The following GULP1 variants were observed in gnomAD, a reference collection of about 807,000 sequenced individuals.
The protein encoded by GULP1 is PTB domain-containing engulfment adapter protein 1.
Under a neutral mutation model 40.9 loss-of-function variants are expected in GULP1, and 19 were observed. That is an observed-to-expected ratio of 0.46 (90% CI 0.32 to 0.68). GULP1 has a LOEUF of 0.68. GULP1 is among the 30% of genes least tolerant of loss of function. The probability of loss-of-function intolerance (pLI) is 0.03; values close to 1 mark genes in which losing one functional copy is unlikely to be tolerated. For missense variants in GULP1, 312 were observed against 362.2 expected (o/e 0.86, Z 1.12); for synonymous variants, 119 against 117.6 (o/e 1.01, Z -0.08).
At chr2:188,308,202 G>A (rs1454287597) in intron 1 of GULP1, among the ~76,000 whole-genome samples, 1 of 151,954 alleles carries the variant, frequency 6.6e-6, no homozygotes, top group South Asian at 2.1e-4. Context: ...GTCTGTGACT[G>A]TCTTCCTGAC....
rs185042997 is a variant in GULP1, at chr2:188,400,456, C to G, written c.-45+16567C>G. Among the ~76,000 whole-genome samples, 580 of 152,090 alleles carry G rather than the reference C, an allele frequency of 3.8e-3. 5 individuals carry two copies. The highest frequency in any genetic ancestry group is 0.013 in the African/African-American group (548 of 41,512). On this transcript the variant is annotated intron_variant, in intron 2 of 11. Coordinates refer to ENST00000409830, the MANE Select transcript of GULP1 (RefSeq NM_016315.4). ...GGGGTACATTGTTCTGTTGGTGTTC[C>G]TAGCAGGGTCTGGGTAAGAGGTGGA...
chr2:188,464,676 CTTG>C (rs1024883899), intron 2 of GULP1, among the ~76,000 whole-genome samples: 2 of 152,146 alleles, frequency 1.3e-5, no homozygotes, highest in African/African-American at 2.4e-5. Flanking sequence ...TAGAAGTCCA[CTTG>C]TTGTTCTATT....
At chr2:188,322,230 C>A (rs2040091327) in intron 1 of GULP1, among the ~76,000 whole-genome samples, 2 of 151,962 alleles carry the variant, frequency 1.3e-5, no homozygotes, top group South Asian at 4.1e-4. Flanking sequence ...AAATTGTATA[C>A]ACAGTGTTCT....
chr2:188,485,663 A>G (rs1019138803), intron 4 of GULP1, among the ~76,000 whole-genome samples: 2 of 152,062 alleles, frequency 1.3e-5, no homozygotes, highest in Admixed American at 6.6e-5. Flanking sequence ...CATGACTCCA[A>G]CACTTATTTA....
chr2:188,535,376 T>C (rs1688669222), intron 6 of GULP1, among the ~76,000 whole-genome samples: 1 of 151,966 alleles, frequency 6.6e-6, no homozygotes, highest in African/African-American at 2.4e-5. Context: ...CCAGTGTCTA[T>C]TATTGCCATC....
At chr2:188,319,887 T>C (rs1334440316) in intron 1 of GULP1, among the ~76,000 whole-genome samples, 2 of 152,156 alleles carry the variant, frequency 1.3e-5, no homozygotes, top group Non-Finnish European at 2.9e-5. Context: ...GAGCTTAATA[T>C]CTTGGAGTAT....
chr2:188,500,886 G>T (rs188674431), intron 4 of GULP1, among the ~76,000 whole-genome samples: 1 of 151,984 alleles, frequency 6.6e-6, no homozygotes, highest in East Asian at 1.9e-4. Flanking sequence ...GTTAGAGATT[G>T]ATCATTAGTC....
intron 1 of GULP1, among the ~76,000 whole-genome samples, chr2:188,339,262 A>G (rs1436660169): frequency 6.6e-6 from 1 of 152,224 alleles, no homozygotes; most frequent in Non-Finnish European, 1.5e-5. Flanking sequence ...AGATGTTATC[A>G]TTAGACTTAT....
intron 7 of GULP1, among the ~76,000 whole-genome samples, chr2:188,562,961 G>A (rs1696703233): frequency 6.6e-6 from 1 of 151,796 alleles, no homozygotes; most frequent in Non-Finnish European, 1.5e-5. Flanking sequence ...AGTTACAGGG[G>A]AATTAAATTA....
rs115455809 is a variant in GULP1, at chr2:188,361,059, G to A, written c.-171-22704G>A. ...ATGTCACTGCATTGCGTAATATTGC[G>A]CAGATGACAAAGATAGCTTGACCAT... is the stretch of plus-strand genomic sequence containing the variant. On this transcript the variant is annotated intron_variant, in intron 1 of 11. Coordinates refer to ENST00000409830, the MANE Select transcript of GULP1 (RefSeq NM_016315.4). Among the ~76,000 whole-genome samples the A allele has an allele frequency of 9.6e-4, 146 of 152,122 alleles. 1 individual carries two copies. Among genetic ancestry groups the A allele is most frequent in the Middle Eastern group, 3.4e-3 (1 of 294 alleles).
intron 2 of GULP1, among the ~76,000 whole-genome samples, chr2:188,412,411 T>G (rs1253151456): frequency 1.3e-5 from 2 of 152,176 alleles, no homozygotes; most frequent in Admixed American, 1.3e-4. Context: ...CAGCTAACAC[T>G]GTAACTCTCT....
At chr2:188,319,595 A>G (rs1378340501) in intron 1 of GULP1, among the ~76,000 whole-genome samples, 2 of 152,172 alleles carry the variant, frequency 1.3e-5, no homozygotes, top group South Asian at 2.1e-4. Flanking sequence ...GACTATGAGC[A>G]TATAAAATAA....
intron 1 of GULP1, among the ~76,000 whole-genome samples, chr2:188,311,488 G>A (rs2038096721): frequency 6.6e-6 from 1 of 152,096 alleles, no homozygotes; most frequent in African/African-American, 2.4e-5. Context: ...GAGCCACCAT[G>A]CATTGTGGAG....
chr2:188,344,873 TTTAG>T (rs1243686058), intron 1 of GULP1, among the ~76,000 whole-genome samples: 27 of 152,266 alleles, frequency 1.8e-4, no homozygotes, highest in African/African-American at 4.6e-4. Flanking sequence ...TATACACACA[TTTAG>T]TTAAAGATCA....
At chr2:188,352,877 G>A (rs548685318) in intron 1 of GULP1, among the ~76,000 whole-genome samples, 1 of 152,162 alleles carries the variant, frequency 6.6e-6, no homozygotes, top group East Asian at 1.9e-4. Context: ...AGGTAAAGAA[G>A]TTTGCTAATT....
intron 1 of GULP1, among the ~76,000 whole-genome samples, chr2:188,373,991 A>G (rs1048692604): frequency 1.1e-4 from 17 of 152,168 alleles, no homozygotes; most frequent in African/African-American, 3.8e-4. Flanking sequence ...GATGTAATTA[A>G]TAGAATATCA....
intron 2 of GULP1, among the ~76,000 whole-genome samples, chr2:188,468,892 G>C (rs948654552): frequency 6.6e-6 from 1 of 152,158 alleles, no homozygotes; most frequent in Non-Finnish European, 1.5e-5. Flanking sequence ...GTCTCAAAGG[G>C]TAAGCAGTGA....
Position 188,362,357 on chromosome 2 carries a change from T to TGA in GULP1, c.-171-21406_-171-21405insGA, listed in dbSNP as rs1243976360. Reference sequence around the variant, plus strand: ...ATTTTGAGTGTGTGTGTAAAACACCTCATATGTTTCATAGAACTAGTGTTT... The same window carrying TGA: ...ATTTTGAGTGTGTGTGTAAAACACCTGACATATGTTTCATAGAACTAGTGTTT... On this transcript the variant is annotated intron_variant, in intron 1 of 11. Transcript: ENST00000409830. Among the ~76,000 whole-genome samples, 33 of 152,258 alleles carry TGA rather than the reference T, an allele frequency of 2.2e-4. 1 individual carries two copies. The highest frequency in any genetic ancestry group is 7.9e-4 in the African/African-American group (33 of 41,576).
intron 2 of GULP1, among the ~76,000 whole-genome samples, chr2:188,427,330 C>G (rs1032148027): frequency 3.3e-5 from 5 of 152,220 alleles, no homozygotes; most frequent in African/African-American, 1.2e-4. Flanking sequence ...GGAATTCAAA[C>G]TGGCTGCAGA....
Sources: gnomAD v4.1 joint callset for allele counts (sites outside exome capture counted in the v4.1 genomes callset) on GRCh38, gnomAD v4.1.1 for gene constraint, MANE v1.5 for transcripts, NCBI Gene and HGNC (gene_info 2026-07-23, HGNC 2026-07-21) for gene names.